The following PCDHA6 variants were observed in gnomAD, a reference collection of about 807,000 sequenced individuals.
PCDHA6 encodes the protein protocadherin alpha 6.
In PCDHA6, 55 loss-of-function variants were observed where a neutral mutation model predicts 60.3. The observed-to-expected ratio is 0.91, with a 90% confidence interval of 0.73 to 1.14. The LOEUF is 1.14. PCDHA6 is among the 50% of genes most tolerant of loss of function. The pLI is 0.00. For synonymous variants in PCDHA6, 652 were observed against 557.9 expected (o/e 1.17, Z -2.38); for missense variants, 1,327 against 1,256.5 (o/e 1.06, Z -0.85).
chr5:140,967,736 G>A (rs1554229871), intron 1 of PCDHA6: 4 of 1,614,162 alleles, frequency 2.5e-6, no homozygotes, highest in Non-Finnish European at 3.4e-6. Context: ...TGGGGGGCTG[G>A]ATTATGAGGA....
intron 1 of PCDHA6, among the ~76,000 whole-genome samples, chr5:140,969,831 G>A (rs559083785): frequency 3.9e-4 from 60 of 152,296 alleles, no homozygotes; most frequent in African/African-American, 1.4e-3. Context: ...TGTCTACAGT[G>A]GAAATTATCT....
At chr5:140,948,563 AT>A (rs1400147953) in intron 1 of PCDHA6, among the ~76,000 whole-genome samples, 1 of 151,546 alleles carries the variant, frequency 6.6e-6, no homozygotes, top group East Asian at 1.9e-4. Context: ...GTTAAGTTGT[AT>A]TTTTTAAAGG....
chr5:140,854,302 G>A, intron 1 of PCDHA6: 2 of 384,722 alleles, frequency 5.2e-6, no homozygotes, highest in Non-Finnish European at 7.1e-6. Context: ...TTTTGTGCGT[G>A]GAGATGATTG....
At chr5:140,888,161 C>G (rs1272451290) in intron 1 of PCDHA6, among the ~76,000 whole-genome samples, 1 of 152,160 alleles carries the variant, frequency 6.6e-6, no homozygotes, top group Non-Finnish European at 1.5e-5. Context: ...CTGGTAATCT[C>G]TAATAAGATG....
chr5:140,933,902 A>C (rs1285587221), intron 1 of PCDHA6, among the ~76,000 whole-genome samples: 2 of 151,892 alleles, frequency 1.3e-5, no homozygotes, highest in African/African-American at 2.4e-5. Flanking sequence ...ATATTTTGGC[A>C]TAAAGTTGTT....
At chr5:140,885,798 T>C (rs1269362409) in intron 1 of PCDHA6, among the ~76,000 whole-genome samples, 1 of 152,186 alleles carries the variant, frequency 6.6e-6, no homozygotes, top group East Asian at 1.9e-4. Context: ...TTGTCATATG[T>C]ATTTTGTTGA....
In PCDHA6 at chr5:140,849,917, C is replaced by A. The variant is rs2150457519; in HGVS notation, c.2394+19432C>A. ...AGAACAACCCGCCGGGCTGCCACATCTTCACGGTGTCTGCGCGGGACGCTG... is the reference window on the plus strand; with the variant it reads ...AGAACAACCCGCCGGGCTGCCACATATTCACGGTGTCTGCGCGGGACGCTG... On this transcript the variant is annotated intron_variant, in intron 1 of 3. Coordinates refer to ENST00000529310, the MANE Select transcript of PCDHA6 (RefSeq NM_018909.4). 7 of 1,598,228 alleles carry A rather than the reference C, an allele frequency of 4.4e-6. No individual in the cohort carries two copies. In the South Asian group the frequency reaches 7.7e-5, roughly 18 times the overall value.
intron 1 of PCDHA6, chr5:140,843,047 G>T (rs2150350980): frequency 1.9e-6 from 3 of 1,594,938 alleles, no homozygotes; most frequent in Non-Finnish European, 2.6e-6. Flanking sequence ...CACTGGTGGC[G>T]CAGCGAGCAA....
intron 1 of PCDHA6, chr5:140,967,369 G>A (rs147557274): frequency 2.4e-5 from 38 of 1,607,564 alleles, no homozygotes; most frequent in Non-Finnish European, 2.9e-5. Context: ...AGCCCCTGCA[G>A]GAGAACAGTA....
rs1210767626 is a variant in PCDHA6 at position 141,010,197 on chromosome 5, C to T, written c.*260C>T. 1 of 1,552,200 alleles carries T rather than the reference C, an allele frequency of 6.4e-7. No homozygotes were observed. The highest frequency in any genetic ancestry group is 1.2e-5 in the South Asian group (1 of 84,134). On this transcript the variant is annotated 3_prime_UTR_variant, in exon 4 of 4. Coordinates refer to ENST00000529310, the MANE Select transcript of PCDHA6 (RefSeq NM_018909.4). ...AAAAGCAGACCCAAGTTTCCTTTCT[C>T]CTCCGCCGCAAAGGAGAGGCTTCCC...
At chr5:140,969,149 G>T (rs782510891) in intron 1 of PCDHA6, 9 of 1,614,120 alleles carry the variant, frequency 5.6e-6, no homozygotes, top group Admixed American at 1.7e-5. Context: ...CTGCTACAAG[G>T]CCTGTCTGAC....
intron 1 of PCDHA6, among the ~76,000 whole-genome samples, chr5:140,890,656 A>C (rs181998048): frequency 1.3e-5 from 2 of 152,300 alleles, no homozygotes; most frequent in Admixed American, 6.5e-5. Context: ...CAAAATCAAA[A>C]GTTAACTGAA....
At chr5:141,004,833 C>A (rs1421886072) in intron 3 of PCDHA6, among the ~76,000 whole-genome samples, 1 of 152,168 alleles carries the variant, frequency 6.6e-6, no homozygotes, top group Non-Finnish European at 1.5e-5. Flanking sequence ...TTAGATAGAT[C>A]AAAGTCATTA....
chr5:140,833,027 G>C (rs1455283039), intron 1 of PCDHA6, among the ~76,000 whole-genome samples: 3 of 152,186 alleles, frequency 2.0e-5, no homozygotes, highest in Non-Finnish European at 4.4e-5. Flanking sequence ...CCATAAGAGA[G>C]AGTGTGATAT....
At chr5:140,882,802 C>T (rs782615396) in intron 1 of PCDHA6, 21 of 1,614,206 alleles carry the variant, frequency 1.3e-5, no homozygotes, top group Non-Finnish European at 1.5e-5. Context: ...ACGATTATTT[C>T]ACTTTGGACG....
At chr5:140,867,400 T>C (rs544481917) in intron 1 of PCDHA6, 18 of 152,290 alleles carry the variant, frequency 1.2e-4, no homozygotes, top group African/African-American at 3.8e-4. Context: ...AAAGTTGATA[T>C]GTCTCCTTTA....
intron 1 of PCDHA6, among the ~76,000 whole-genome samples, chr5:140,840,246 A>T (rs189141178): frequency 2.6e-5 from 4 of 152,184 alleles, no homozygotes; most frequent in African/African-American, 9.6e-5. Context: ...TCACTATGCT[A>T]TAAAAATTGT....
At position 140,886,685 on chromosome 5, in the gene PCDHA6, G is replaced by A. The variant is rs1250817978; in HGVS notation, c.2394+56200G>A. On this transcript the variant is annotated intron_variant, in intron 1 of 3. Transcript: ENST00000529310. The stretch of plus-strand genomic sequence containing the variant: ...TACTAAAAATACAAAAATTAGCGAG[G>A]CATGGTGGCACGCGCCTGTAATCCC... Among the ~76,000 whole-genome samples the A allele has an allele frequency of 2.6e-5, 4 of 152,080 alleles. No homozygotes were observed. In the East Asian group the frequency reaches 7.8e-4, roughly 30 times the overall value.
At position 140,854,813 on chromosome 5, in the gene PCDHA6, C is replaced by T. The variant is rs957346497; in HGVS notation, c.2394+24328C>T. 2.0e-5 allele frequency: 3 copies of T among 149,256 alleles called. 1 individual carries two copies. Among genetic ancestry groups the T allele is most frequent in the Admixed American group, 6.7e-5 (1 of 14,824 alleles). The allele number at this position is 149,256 out of a possible 1,614,324, so 9.2% of individuals were successfully genotyped here. On this transcript the variant is annotated intron_variant, in intron 1 of 3. Coordinates refer to ENST00000529310, the MANE Select transcript of PCDHA6 (RefSeq NM_018909.4). ...GAGAGAGAAAAAAATATTTTTACTGCAAGTGGTGATGAAAAACTTCACTGA... is the reference window on the plus strand; with the variant it reads ...GAGAGAGAAAAAAATATTTTTACTGTAAGTGGTGATGAAAAACTTCACTGA...
Sources: allele counts gnomAD v4.1 joint callset (sites outside exome capture counted in the v4.1 genomes callset), GRCh38; gene constraint gnomAD v4.1.1; transcripts MANE v1.5; gene names NCBI Gene and HGNC (gene_info 2026-07-23, HGNC 2026-07-21).